Variants in NUP37 observed in about 807,000 individuals in gnomAD.
The protein encoded by NUP37 is nucleoporin 37.
A neutral mutation model predicts 45.4 loss-of-function variants in NUP37; 33 were observed. That is an observed-to-expected ratio of 0.73 (90% CI 0.55 to 0.97). The LOEUF (loss-of-function observed/expected upper bound fraction) is 0.97, where lower values mean the gene tolerates loss of function less well. Among genes scored for constraint, NUP37 ranks in the 50% least tolerant of loss-of-function variants. NUP37 has a pLI of 0.00. For synonymous variants in NUP37, 127 were observed against 130.7 expected, an observed-to-expected ratio of 0.97 and a Z score of 0.19; for missense variants, 365 against 389.7, an observed-to-expected ratio of 0.94 and a Z score of 0.53.
intron 5 of NUP37, among the ~76,000 whole-genome samples, chr12:102,089,542 A>G (rs1183998273): frequency 6.8e-6 from 1 of 146,612 alleles, no homozygotes; most frequent in African/African-American, 2.6e-5. Flanking sequence ...GGCCAGGCAG[A>G]GGCGCTCCTC....
At chr12:102,085,423 A>C (rs1160462839) in intron 6 of NUP37, among the ~76,000 whole-genome samples, 1 of 152,184 alleles carries the variant, frequency 6.6e-6, no homozygotes, top group African/African-American at 2.4e-5. Context: ...CCCTGTCTAA[A>C]AAAAACAAAA....
At position 102,085,837 on chromosome 12, in the gene NUP37, C is replaced by T; in HGVS notation, c.469G>A (p.Val157Met). The change falls in exon 6 of 10, where the codon GTG (valine) becomes ATG (methionine). Residue 157 changes from valine to methionine, a missense_variant. Coordinates refer to ENST00000552283, the MANE Select transcript of NUP37 (RefSeq NM_024057.4). Reference protein sequence around the residue: ...HTCRIWNLEGVQTAHFVLHSP... With the variant: ...HTCRIWNLEGMQTAHFVLHSP... ...TGAAGAACAAAATGAGCTGTTTGCA[C>T]TCCTTCCAAGTTCCAAATCCTAATA... is the stretch of plus-strand genomic sequence containing the variant. The T allele has an allele frequency of 1.3e-6, 2 of 1,589,424 alleles. No individual in the cohort carries two copies. The highest frequency in any genetic ancestry group is 1.7e-6 in the Non-Finnish European group (2 of 1,159,442).
intron 3 of NUP37, among the ~76,000 whole-genome samples, chr12:102,104,693 T>C (rs565295396): frequency 4.6e-5 from 7 of 152,320 alleles, no homozygotes; most frequent in African/African-American, 7.2e-5. Context: ...CACCATTTGT[T>C]GAACAGACTA....
At chr12:102,113,039 A>G (rs1386671389) in intron 2 of NUP37, among the ~76,000 whole-genome samples, 1 of 152,216 alleles carries the variant, frequency 6.6e-6, no homozygotes, top group African/African-American at 2.4e-5. Context: ...AGGTGAGAAA[A>G]AAAATCAACT....
chr12:102,079,588 C>G (rs1240789305), intron 6 of NUP37, among the ~76,000 whole-genome samples: 1 of 152,070 alleles, frequency 6.6e-6, no homozygotes, highest in South Asian at 2.1e-4. Context: ...TTAATATAGA[C>G]CTCACCATGA....
intron 2 of NUP37, chr12:102,115,890 AAC>A (rs546398116): frequency 1.9e-5 from 12 of 626,588 alleles, no homozygotes; most frequent in Admixed American, 6.3e-5. Context: ...AGTAATGTTT[AAC>A]AGTGTTTAGC....
At chr12:102,090,974 GA>G (rs1235856594) in intron 5 of NUP37, among the ~76,000 whole-genome samples, 1 of 152,006 alleles carries the variant, frequency 6.6e-6, no homozygotes, top group Admixed American at 6.5e-5. Context: ...TACTATAAAA[GA>G]AAAAAATTCA....
intron 2 of NUP37, among the ~76,000 whole-genome samples, chr12:102,118,131 T>C (rs892957567): frequency 2.0e-5 from 3 of 152,224 alleles, no homozygotes; most frequent in East Asian, 1.9e-4. Flanking sequence ...GAATATTCCA[T>C]TAATGATCAT....
At chr12:102,077,122 TC>T in intron 7 of NUP37, 199 bp downstream of exon 7, 1 of 635,362 alleles carries the variant, frequency 1.6e-6, no homozygotes, top group Admixed American at 2.8e-5. Flanking sequence ...TTTTGCACTG[TC>T]CTTTCTGGGT....
chr12:102,111,137 C>G (rs1418622487), intron 3 of NUP37, among the ~76,000 whole-genome samples: 1 of 152,110 alleles, frequency 6.6e-6, no homozygotes, highest in African/African-American at 2.4e-5. Flanking sequence ...TTAAAAAGCA[C>G]TGGTATACAT....
intron 2 of NUP37, among the ~76,000 whole-genome samples, chr12:102,112,575 T>C (rs530393376): frequency 1.3e-4 from 20 of 152,264 alleles, no homozygotes; most frequent in African/African-American, 3.4e-4. Context: ...GGTGGAAGGA[T>C]TGCTTGAGCT....
chr12:102,104,828 C>T lies in NUP37; in HGVS notation c.282-3724G>A, dbSNP rs143377918. Among the ~76,000 whole-genome samples the T allele has an allele frequency of 3.5e-4, 53 of 152,268 alleles. 1 individual carries two copies. The highest frequency in any genetic ancestry group is 5.0e-4 in the Non-Finnish European group (34 of 68,014). On this transcript the variant is annotated intron_variant, in intron 3 of 9. Transcript: ENST00000552283. ...TACATATTTATCTTTATGCCAGTAC[C>T]ATACTGTTTTGATTACTGTATAGCA...
intron 5 of NUP37, among the ~76,000 whole-genome samples, chr12:102,090,140 C>G (rs531950501): frequency 6.6e-6 from 1 of 152,170 alleles, no homozygotes. Flanking sequence ...AAAACTTTCT[C>G]TCATTTTCTG....
chr12:102,099,455 A>C (rs1405172830), intron 4 of NUP37, among the ~76,000 whole-genome samples: 4 of 151,414 alleles, frequency 2.6e-5, no homozygotes, highest in African/African-American at 2.4e-5. Context: ...TTCTTACAAA[A>C]ACACACACAC....
chr12:102,107,287 T>C (rs937886603), intron 3 of NUP37, among the ~76,000 whole-genome samples: 2 of 152,190 alleles, frequency 1.3e-5, no homozygotes, highest in Non-Finnish European at 2.9e-5. Context: ...CATGGTATGA[T>C]AGGTTGCTAA....
intron 5 of NUP37, 36 bp from the exon 6 acceptor site, chr12:102,085,892 T>C (rs1223548213): frequency 1.0e-6 from 1 of 1,001,194 alleles, no homozygotes; most frequent in Non-Finnish European, 1.5e-6. Flanking sequence ...TTAATTGTTC[T>C]TGATATATCA....
At chr12:102,094,956 T>G (rs1341524849) in intron 5 of NUP37, among the ~76,000 whole-genome samples, 1 of 152,030 alleles carries the variant, frequency 6.6e-6, no homozygotes, top group Non-Finnish European at 1.5e-5. Context: ...TATTGAGGGA[T>G]GAGGAGGAGG....
intron 2 of NUP37, among the ~76,000 whole-genome samples, chr12:102,118,107 G>T: frequency 6.6e-6 from 1 of 152,042 alleles, no homozygotes; most frequent in African/African-American, 2.4e-5. Context: ...GTTAATCATA[G>T]CCTTCACTTA....
chr12:102,113,847 T>A (rs1375063553), intron 2 of NUP37, among the ~76,000 whole-genome samples: 1 of 152,218 alleles, frequency 6.6e-6, no homozygotes, highest in Non-Finnish European at 1.5e-5. Context: ...TATACTCGAA[T>A]GAAATCCAAG....
Sources: gnomAD v4.1 joint callset for allele counts (sites outside exome capture counted in the v4.1 genomes callset) on GRCh38, gnomAD v4.1.1 for gene constraint, MANE v1.5 for transcripts, NCBI Gene and HGNC (gene_info 2026-07-23, HGNC 2026-07-21) for gene names.